PRKG1: variants seen among roughly 807,000 people sequenced by gnomAD.
The protein encoded by PRKG1 is protein kinase cGMP-dependent 1.
In PRKG1, 35 loss-of-function variants were observed where a neutral mutation model predicts 88.1. The observed-to-expected ratio is 0.40, with a 90% CI of 0.30 to 0.53. The LOEUF (loss-of-function observed/expected upper bound fraction) is 0.53, where lower values mean the gene tolerates loss of function less well. Ranked by LOEUF, PRKG1 falls within the 20% of genes least tolerant of loss-of-function variation. PRKG1 has a pLI of 0.59. For synonymous variants in PRKG1, 303 were observed against 292.5 expected (o/e 1.04, Z -0.37); for missense variants, 540 against 839.8 (o/e 0.64, Z 4.41).
At chr10:51,762,310 T>G (rs1838039955) in intron 3 of PRKG1, among the ~76,000 whole-genome samples, 1 of 152,202 alleles carries the variant, frequency 6.6e-6, no homozygotes, top group Non-Finnish European at 1.5e-5. Context: ...ATTAGGCTCC[T>G]CATATTTGGA....
At chr10:51,230,888 T>C (rs1838827215) in intron 2 of PRKG1, among the ~76,000 whole-genome samples, 1 of 152,166 alleles carries the variant, frequency 6.6e-6, no homozygotes, top group African/African-American at 2.4e-5. Flanking sequence ...CCCATGAATG[T>C]GGAGGGCTGG....
At chr10:51,478,925 C>T (rs1009452136) in intron 3 of PRKG1, among the ~76,000 whole-genome samples, 16 of 152,040 alleles carry the variant, frequency 1.1e-4, no homozygotes, top group African/African-American at 3.6e-4. Context: ...ATAAAAAAAT[C>T]GACTCCCTTT....
intron 1 of PRKG1, among the ~76,000 whole-genome samples, chr10:51,006,698 A>G (rs950872002): frequency 8.6e-5 from 13 of 151,756 alleles, no homozygotes; most frequent in African/African-American, 3.2e-4. Context: ...TTTTCTTTCC[A>G]TGCATTTCAC....
At chr10:51,765,807 CT>C (rs1188027679) in intron 3 of PRKG1, among the ~76,000 whole-genome samples, 2 of 149,890 alleles carry the variant, frequency 1.3e-5, no homozygotes, top group East Asian at 3.9e-4. Context: ...ATGCTGTTGC[CT>C]TACATGATTT....
At chr10:52,192,265 T>C (rs541280057) in intron 9 of PRKG1, among the ~76,000 whole-genome samples, 1 of 152,304 alleles carries the variant, frequency 6.6e-6, no homozygotes, top group East Asian at 1.9e-4. Context: ...AGGTTTTTCA[T>C]GTACATTTCC....
intron 3 of PRKG1, among the ~76,000 whole-genome samples, chr10:51,660,417 T>G (rs968847324): frequency 1.3e-5 from 2 of 151,304 alleles, no homozygotes; most frequent in African/African-American, 4.9e-5. Context: ...TGATGGGCCA[T>G]AAAGTGTGTT....
chr10:52,153,232 T>C (rs571723100), intron 8 of PRKG1, among the ~76,000 whole-genome samples: 2 of 152,206 alleles, frequency 1.3e-5, no homozygotes, highest in African/African-American at 4.8e-5. Context: ...AAAAAAAGCA[T>C]AGAAATAAAT....
At chr10:51,172,642 A>T (rs1589218600) in intron 2 of PRKG1, among the ~76,000 whole-genome samples, 1 of 53,270 alleles carries the variant, frequency 1.9e-5, no homozygotes, top group Non-Finnish European at 4.1e-5. Flanking sequence ...GTATGTATGT[A>T]TGTATGTATC....
intron 7 of PRKG1, among the ~76,000 whole-genome samples, chr10:52,109,502 C>T (rs971637650): frequency 6.6e-6 from 1 of 152,178 alleles, no homozygotes; most frequent in Admixed American, 6.5e-5. Flanking sequence ...CGTGGTGGCT[C>T]ACGCCTGTAA....
chr10:52,132,016 G>A (rs1352713569), intron 7 of PRKG1, among the ~76,000 whole-genome samples: 1 of 151,644 alleles, frequency 6.6e-6, no homozygotes, highest in Non-Finnish European at 1.5e-5. Context: ...GGCAACCAGT[G>A]AGAAACAAAT....
chr10:51,216,265 C>T (rs1049597888), intron 2 of PRKG1, among the ~76,000 whole-genome samples: 2 of 152,208 alleles, frequency 1.3e-5, no homozygotes, highest in Non-Finnish European at 2.9e-5. Context: ...CAGCATTGCT[C>T]TTCATTGGGT....
At chr10:51,126,394 TTATTTATA>T (rs1406867553) in intron 1 of PRKG1, among the ~76,000 whole-genome samples, 4 of 138,094 alleles carry the variant, frequency 2.9e-5, no homozygotes, top group Admixed American at 2.3e-4. Flanking sequence ...ATATTTATAA[TTATTTATA>T]TATTTATATA....
chr10:51,427,680 G>A (rs77925149), intron 2 of PRKG1, among the ~76,000 whole-genome samples: 1 of 152,298 alleles, frequency 6.6e-6, no homozygotes, highest in Non-Finnish European at 1.5e-5. Flanking sequence ...AGCCCTGCTA[G>A]TGAAAGTGTG....
In PRKG1 at chr10:52,076,358, A is replaced by G. The variant is rs539688204; in HGVS notation, c.935+13727A>G. ...AATCACTGGAGGTCAGGAGTTCAAGACCAGCCTGGCCAACATGGCGAAACC... is the reference window on the plus strand; with the variant it reads ...AATCACTGGAGGTCAGGAGTTCAAGGCCAGCCTGGCCAACATGGCGAAACC... On this transcript the variant is annotated intron_variant, in intron 7 of 17. Transcript: ENST00000373980. Among the ~76,000 whole-genome samples, 366 of 152,334 alleles carry G rather than the reference A, an allele frequency of 2.4e-3. 1 individual carries two copies. Among genetic ancestry groups the G allele is most frequent in the Non-Finnish European group, 4.3e-3 (295 of 68,014 alleles).
Position 52,292,492 on chromosome 10 carries a change from T to G in PRKG1, c.1963-1310T>G, listed in dbSNP as rs1025896015. On this transcript the variant is annotated intron_variant, in intron 17 of 17. Coordinates refer to ENST00000373980, the MANE Select transcript of PRKG1 (RefSeq NM_006258.4). ...AGCTTTCTACATATGGCTAGCCAGT[T>G]TTCCCAGCACCATTTATTAAATAGG... Among the ~76,000 whole-genome samples, 807 of 152,076 alleles carry G rather than the reference T, an allele frequency of 5.3e-3. 1 individual carries two copies. The highest frequency in any genetic ancestry group is 8.4e-3 in the Non-Finnish European group (574 of 67,942).
At chr10:52,278,984 T>C (rs1841939517) in intron 12 of PRKG1, among the ~76,000 whole-genome samples, 1 of 152,166 alleles carries the variant, frequency 6.6e-6, no homozygotes, top group Non-Finnish European at 1.5e-5. Context: ...TGTTTTGTTT[T>C]GCTTTGCAAT....
chr10:51,256,309 A>G (rs1839558503), intron 2 of PRKG1, among the ~76,000 whole-genome samples: 1 of 152,070 alleles, frequency 6.6e-6, no homozygotes, highest in African/African-American at 2.4e-5. Context: ...TTTTTTTAGT[A>G]CTCAACAAAA....
At chr10:51,632,501 A>T (rs1839552364) in intron 3 of PRKG1, among the ~76,000 whole-genome samples, 1 of 152,228 alleles carries the variant, frequency 6.6e-6, no homozygotes, top group African/African-American at 2.4e-5. Context: ...AAGCTCAGGA[A>T]GCAAACTTTG....
intron 2 of PRKG1, among the ~76,000 whole-genome samples, chr10:51,304,711 C>T (rs981321263): frequency 6.9e-6 from 1 of 145,826 alleles, no homozygotes; most frequent in Non-Finnish European, 1.5e-5. Context: ...TCAATTCCCA[C>T]CTATGAGTGA....
Sources: gnomAD v4.1 joint callset for allele counts (sites outside exome capture counted in the v4.1 genomes callset) on GRCh38, gnomAD v4.1.1 for gene constraint, MANE v1.5 for transcripts, NCBI Gene and HGNC (gene_info 2026-07-23, HGNC 2026-07-21) for gene names.